The following HMGCS2 variants were observed in gnomAD, a reference collection of about 807,000 sequenced individuals.
HMGCS2 encodes the protein hydroxymethylglutaryl-CoA synthase, mitochondrial.
In HMGCS2, 50 loss-of-function variants were observed where a neutral mutation model predicts 57.4. That is an observed-to-expected ratio of 0.87 (90% CI 0.69 to 1.10). The LOEUF (loss-of-function observed/expected upper bound fraction) is 1.10, where lower values mean the gene tolerates loss of function less well. Ranked by LOEUF, HMGCS2 falls within the 50% of genes least tolerant of loss-of-function variation. The pLI is 0.00. For missense variants in HMGCS2, 627 were observed against 636.5 expected (o/e 0.99, Z 0.16); for synonymous variants, 254 against 245.1 (o/e 1.04, Z -0.34).
intron 1 of HMGCS2, among the ~76,000 whole-genome samples, chr1:119,768,349 T>C (rs1210970723): frequency 1.3e-5 from 2 of 152,236 alleles, no homozygotes; most frequent in African/African-American, 2.4e-5. Flanking sequence ...TGCAGTGATA[T>C]AAAGTCACTG....
chr1:119,749,055 T>C (rs147234333), intron 9 of HMGCS2, among the ~76,000 whole-genome samples: 19 of 152,280 alleles, frequency 1.2e-4, no homozygotes, highest in African/African-American at 4.3e-4. Context: ...AGGGTCCCCG[T>C]CGCACATCTG....
At chr1:119,762,842 C>T (rs952686679) in intron 2 of HMGCS2, among the ~76,000 whole-genome samples, 3 of 152,124 alleles carry the variant, frequency 2.0e-5, no homozygotes, top group Admixed American at 6.5e-5. Flanking sequence ...ATACCCAGCC[C>T]CTCAGAAGAA....
In HMGCS2 at chr1:119,755,639, C is replaced by G. The variant is rs368788949; in HGVS notation, c.1017-42G>C. ...GGTAGCCATGTGAGAGGCCAGGGGA[C>G]GGGAGGCAGGGAGCAAGGGGGAAAA... On this transcript the variant is annotated intron_variant, in intron 5 of 9. Transcript: ENST00000369406. The G allele has an allele frequency of 1.2e-6, 2 of 1,600,020 alleles. 1 individual carries two copies. Among genetic ancestry groups the G allele is most frequent in the South Asian group, 2.2e-5 (2 of 90,772 alleles).
chr1:119,755,831 GA>G (rs1652820650), intron 5 of HMGCS2, among the ~76,000 whole-genome samples: 1 of 152,162 alleles, frequency 6.6e-6, no homozygotes, highest in East Asian at 1.9e-4. Flanking sequence ...GAGCTTACTA[GA>G]AAATTAGAAA....
chr1:119,759,787 G>A (rs1652974886), intron 3 of HMGCS2, 77 bp downstream of exon 3: 2 of 1,553,222 alleles, frequency 1.3e-6, no homozygotes, highest in Non-Finnish European at 1.8e-6. Context: ...CTGAGTAGCA[G>A]GTGTGCCAAT....
In HMGCS2 at chr1:119,759,199, G is replaced by C. The variant is rs749102995; in HGVS notation, c.769C>G (p.Leu257Val). The stretch of plus-strand genomic sequence containing the variant: ...GCCCGCAAGTAGCACTGGATGGAAA[G>C]CTTCCCATCCACTATTGGGTACTCC... ...ASEYPIVDGK[L>V]SIQCYLRALD... is the part of the protein sequence containing the mutation. The change falls in exon 4 of 10, where the codon CTT becomes GTT. Residue 257 changes from leucine (L) to valine (V), a missense_variant. Transcript: ENST00000369406. 4 of 1,614,012 alleles carry C rather than the reference G, an allele frequency of 2.5e-6. No individual in the cohort carries two copies. Among genetic ancestry groups the C allele is most frequent in the South Asian group, 1.1e-5 (1 of 91,088 alleles).
chr1:119,764,054 G>T, intron 2 of HMGCS2, 118 bp downstream of exon 2: 1 of 788,608 alleles, frequency 1.3e-6, no homozygotes, highest in Non-Finnish European at 2.2e-6. Flanking sequence ...GCAGCTGTGT[G>T]AATATATTGT....
intron 9 of HMGCS2, among the ~76,000 whole-genome samples, chr1:119,749,700 T>C (rs1252929527): frequency 1.3e-5 from 2 of 152,042 alleles, no homozygotes; most frequent in African/African-American, 2.4e-5. Flanking sequence ...CACCTCTGCT[T>C]CCTCTCAGGT....
intron 2 of HMGCS2, among the ~76,000 whole-genome samples, chr1:119,762,351 A>T (rs901579135): frequency 1.5e-5 from 2 of 131,202 alleles, no homozygotes; most frequent in African/African-American, 5.2e-5. Context: ...AAATTTTGGG[A>T]AGTGGTAACA....
chr1:119,767,202 A>G (rs1419060131), intron 1 of HMGCS2, among the ~76,000 whole-genome samples: 1 of 152,178 alleles, frequency 6.6e-6, no homozygotes, highest in Admixed American at 6.5e-5. Context: ...CATATAACCC[A>G]ACTTCAAGGC....
intron 2 of HMGCS2, 127 bp from the exon 3 acceptor site, chr1:119,760,116 C>A: frequency 2.3e-6 from 2 of 870,244 alleles, no homozygotes; most frequent in South Asian, 1.5e-5. Flanking sequence ...AAATCCCAGT[C>A]CTGTGGAGCT....
intron 8 of HMGCS2, 151 bp from the exon 9 acceptor site, chr1:119,751,059 A>G: frequency 1.5e-6 from 1 of 676,894 alleles, no homozygotes; most frequent in East Asian, 2.8e-5. Flanking sequence ...CACCAAATAG[A>G]ACACTGGACC....
In HMGCS2 at chr1:119,753,276, T is replaced by C; in HGVS notation, c.1294+4A>G. 6.3e-7 allele frequency: 1 copy of C among 1,587,822 alleles called. No individual in the cohort carries two copies. Among genetic ancestry groups the C allele is most frequent in the Non-Finnish European group, 8.6e-7 (1 of 1,156,584 alleles). On this transcript the variant is annotated splice_donor_region_variant and intron_variant, in intron 7 of 9. Coordinates refer to ENST00000369406, the MANE Select transcript of HMGCS2 (RefSeq NM_005518.4). Reference sequence around the variant, plus strand: ...GGAAGGCCTACTAGAAAGATGACACTCACCTGGAGCAGCATCCTGGGATAC... The same window carrying C: ...GGAAGGCCTACTAGAAAGATGACACCCACCTGGAGCAGCATCCTGGGATAC...
rs1245391247 is a variant in HMGCS2, at chr1:119,748,654, T to C, written c.*193A>G. On this transcript the variant is annotated 3_prime_UTR_variant, in exon 10 of 10. Coordinates refer to ENST00000369406, the MANE Select transcript of HMGCS2 (RefSeq NM_005518.4). ...TAGCACCATAAGCCCAGGACAGTGA[T>C]TGCAGCATGGAGAGGAATGAAGGGC... 6.6e-6 allele frequency: 1 copy of C among 152,156 alleles called. No individual in the cohort carries two copies. The highest frequency in any genetic ancestry group is 1.5e-5 in the Non-Finnish European group (1 of 68,046). The allele number at this position is 152,156 out of a possible 1,614,324, so 9.4% of individuals were successfully genotyped here.
chr1:119,752,845 A>C (rs1017994682), intron 7 of HMGCS2, among the ~76,000 whole-genome samples, 171 bp from the exon 8 acceptor site: 1 of 152,240 alleles, frequency 6.6e-6, no homozygotes, highest in African/African-American at 2.4e-5. Flanking sequence ...TGTTAGCAAA[A>C]CATGCAGGCA....
In HMGCS2 at chr1:119,764,397, G is replaced by A. The variant is rs768707273; in HGVS notation, c.334C>T (p.Arg112Trp). The A allele has an allele frequency of 2.0e-5, 33 of 1,614,088 alleles. No individual in the cohort carries two copies. The highest frequency in any genetic ancestry group is 5.5e-5 in the South Asian group (5 of 91,084). Residue 112 changes from arginine to tryptophan, a missense_variant, in exon 2 of 10, where the codon CGG becomes TGG. By Grantham distance (101) the Arg-to-Trp change is moderately radical. Coordinates refer to ENST00000369406, the MANE Select transcript of HMGCS2 (RefSeq NM_005518.4). ...GGGAGCTGTATGCGCTCCATCAGCCGTTGCACCACCGTCAGGCACAGGGAG... is the reference window on the plus strand; with the variant it reads ...GGGAGCTGTATGCGCTCCATCAGCCATTGCACCACCGTCAGGCACAGGGAG... ...INSLCLTVVQ[R>W]LMERIQLPWD...
chr1:119,765,528 A>T (rs587757006), intron 1 of HMGCS2, among the ~76,000 whole-genome samples: 5 of 152,174 alleles, frequency 3.3e-5, no homozygotes, highest in African/African-American at 1.2e-4. Context: ...TTTACTGGTG[A>T]CCTTAAAGAT....
intron 1 of HMGCS2, among the ~76,000 whole-genome samples, chr1:119,766,891 G>A (rs1466803128): frequency 6.6e-6 from 1 of 152,126 alleles, no homozygotes; most frequent in Non-Finnish European, 1.5e-5. Context: ...GAGGCTTCCA[G>A]AAGCTTCAGC....
At chr1:119,754,928 A>T (rs1412087984) in intron 6 of HMGCS2, among the ~76,000 whole-genome samples, 1 of 152,184 alleles carries the variant, frequency 6.6e-6, no homozygotes. Flanking sequence ...TCTGATACAG[A>T]CTGTAAATCT....
Sources: allele counts gnomAD v4.1 joint callset (sites outside exome capture counted in the v4.1 genomes callset), GRCh38; gene constraint gnomAD v4.1.1; transcripts MANE v1.5; gene names NCBI Gene and HGNC (gene_info 2026-07-23, HGNC 2026-07-21).